Variants in TMTC2 observed in about 807,000 individuals in gnomAD.
The protein encoded by TMTC2 is protein O-mannosyl-transferase TMTC2.
TMTC2 carries 43 observed loss-of-function variants against 82.4 expected under a neutral mutation model. That is an observed-to-expected ratio of 0.52 (90% CI 0.41 to 0.67). TMTC2 has a LOEUF of 0.67. TMTC2 is among the 30% of genes least tolerant of loss of function. The pLI is 0.00. For synonymous variants in TMTC2, 408 were observed against 381.9 expected (o/e 1.07, Z -0.80); for missense variants, 919 against 1,012.4 (o/e 0.91, Z 1.25).
chr12:82,994,168 A>G (rs1355293843), intron 8 of TMTC2, among the ~76,000 whole-genome samples: 8 of 151,918 alleles, frequency 5.3e-5, no homozygotes, highest in Non-Finnish European at 1.0e-4. Flanking sequence ...TATTTTTTAT[A>G]TTTTTGAGAC....
Position 82,875,917 on chromosome 12 carries a change from A to AAAAG in TMTC2, c.654+18345_654+18348dup. On this transcript the variant is annotated intron_variant, in intron 2 of 11. Transcript: ENST00000321196. ...TCACGCTTAAAAAAAAAAAAAAAAA[A>AAAAG]AAAGAAAGAAAACTGAGCAGTAAAT... Among the ~76,000 whole-genome samples, 3 of 151,534 alleles carry AAAAG rather than the reference A, an allele frequency of 2.0e-5. 1 individual carries two copies. The highest frequency in any genetic ancestry group is 7.3e-5 in the African/African-American group (3 of 41,342).
intron 1 of TMTC2, chr12:82,690,470 A>G: frequency 1.1e-6 from 1 of 885,210 alleles, no homozygotes; most frequent in Non-Finnish European, 1.4e-6. Flanking sequence ...GTGATCGTTT[A>G]CTTTATAAAC....
intron 11 of TMTC2, among the ~76,000 whole-genome samples, chr12:83,079,385 G>A (rs552193484): frequency 6.6e-6 from 1 of 152,204 alleles, no homozygotes; most frequent in South Asian, 2.1e-4. Context: ...TTTAGTTTTT[G>A]TGAGACAAAT....
chr12:82,797,624 T>C (rs2137031214), intron 1 of TMTC2, among the ~76,000 whole-genome samples: 1 of 152,268 alleles, frequency 6.6e-6, no homozygotes, highest in South Asian at 2.1e-4. Context: ...ATCTCTATTT[T>C]CTGAATTCTG....
chr12:82,718,093 C>T (rs1322427695), intron 1 of TMTC2, among the ~76,000 whole-genome samples: 1 of 152,086 alleles, frequency 6.6e-6, no homozygotes, highest in Non-Finnish European at 1.5e-5. Context: ...TTATTTATAT[C>T]CTACTGCTCA....
intron 1 of TMTC2, among the ~76,000 whole-genome samples, chr12:82,842,993 G>C (rs1376724671): frequency 6.6e-6 from 1 of 152,138 alleles, no homozygotes; most frequent in Non-Finnish European, 1.5e-5. Context: ...GGCAGGACAT[G>C]GCACAGTGTG....
rs183830181 is a variant in TMTC2, at chr12:82,948,074, A to G, written c.1599-16950A>G. On this transcript the variant is annotated intron_variant, in intron 4 of 11. Transcript: ENST00000321196. Reference sequence around the variant, plus strand: ...TAAATCAACAAATGCAACTTTAGAAAGATTGTTACAGGCCAAGCTCAGTGG... The same window carrying G: ...TAAATCAACAAATGCAACTTTAGAAGGATTGTTACAGGCCAAGCTCAGTGG... Among the ~76,000 whole-genome samples, 151 of 152,342 alleles carry G rather than the reference A, an allele frequency of 9.9e-4. 2 individuals are homozygous for G. Among genetic ancestry groups the G allele is most frequent in the Admixed American group, 8.9e-3 (136 of 15,304 alleles).
chr12:83,047,712 A>C (rs1396826411), intron 9 of TMTC2, among the ~76,000 whole-genome samples: 3 of 152,190 alleles, frequency 2.0e-5, no homozygotes, highest in Non-Finnish European at 2.9e-5. Context: ...TTCTGTCACC[A>C]TTTACCCTAC....
chr12:82,844,759 A>AT (rs1870542479), intron 1 of TMTC2, among the ~76,000 whole-genome samples: 1 of 150,846 alleles, frequency 6.6e-6, no homozygotes, highest in Admixed American at 6.6e-5. Context: ...CCGAGATCGC[A>AT]TCACTGCACT....
At chr12:82,822,372 A>G (rs546293949) in intron 1 of TMTC2, among the ~76,000 whole-genome samples, 1 of 152,326 alleles carries the variant, frequency 6.6e-6, no homozygotes, top group African/African-American at 2.4e-5. Flanking sequence ...GGATGTTCAT[A>G]GTGGGAAGCT....
At chr12:83,009,329 C>A (rs1880348551) in intron 8 of TMTC2, among the ~76,000 whole-genome samples, 2 of 151,974 alleles carry the variant, frequency 1.3e-5, no homozygotes, top group Non-Finnish European at 2.9e-5. Flanking sequence ...GGTTGAGTAC[C>A]CCCTAAGACT....
chr12:83,095,217 GGT>G (rs895626086), intron 11 of TMTC2, among the ~76,000 whole-genome samples: 16 of 143,848 alleles, frequency 1.1e-4, no homozygotes, highest in African/African-American at 4.4e-4. Context: ...AAAATTTCAT[GGT>G]TTTTTTTTTT....
At position 82,934,697 on chromosome 12, in the gene TMTC2, A is replaced by G. The variant is rs555157955; in HGVS notation, c.1598+4152A>G. 1.2e-4 allele frequency among the ~76,000 whole-genome samples: 18 copies of G among 152,264 alleles called. No individual in the cohort carries two copies. The South Asian group carries it at 3.7e-3, about 32-fold the overall frequency. ...ACTGCTGCAATAAACGTATTTGTGC[A>G]TGTGTCTTTATAGTAGAATGATTTA... On this transcript the variant is annotated intron_variant, in intron 4 of 11. Coordinates refer to ENST00000321196, the MANE Select transcript of TMTC2 (RefSeq NM_152588.3).
At chr12:82,920,124 C>T (rs1406183968) in intron 3 of TMTC2, among the ~76,000 whole-genome samples, 1 of 151,356 alleles carries the variant, frequency 6.6e-6, no homozygotes, top group Non-Finnish European at 1.5e-5. Flanking sequence ...GCAGTGTATG[C>T]CAAATTATGA....
chr12:82,993,953 C>T (rs1879507073), intron 8 of TMTC2, among the ~76,000 whole-genome samples: 1 of 151,968 alleles, frequency 6.6e-6, no homozygotes, highest in Admixed American at 6.5e-5. Flanking sequence ...CTGCTTTAGG[C>T]TGAATGCTTG....
At chr12:82,968,163 T>C (rs1176249868) in intron 7 of TMTC2, among the ~76,000 whole-genome samples, 2 of 152,144 alleles carry the variant, frequency 1.3e-5, no homozygotes, top group Admixed American at 1.3e-4. Flanking sequence ...TCACCCTCAA[T>C]TTGCCTGTGG....
chr12:82,801,661 A>C (rs1242079250), intron 1 of TMTC2, among the ~76,000 whole-genome samples: 1 of 152,046 alleles, frequency 6.6e-6, no homozygotes, highest in Non-Finnish European at 1.5e-5. Flanking sequence ...AGATTGGTGC[A>C]CCTACAAACC....
intron 1 of TMTC2, among the ~76,000 whole-genome samples, chr12:82,841,803 C>T (rs1050845910): frequency 6.6e-6 from 1 of 152,130 alleles, no homozygotes; most frequent in Non-Finnish European, 1.5e-5. Flanking sequence ...TATAGGTTAG[C>T]GTTTGGCTCT....
At chr12:83,068,347 G>C (rs1488108753) in intron 11 of TMTC2, among the ~76,000 whole-genome samples, 2 of 151,742 alleles carry the variant, frequency 1.3e-5, no homozygotes, top group Non-Finnish European at 2.9e-5. Flanking sequence ...ACCCTAATTA[G>C]AACAAAAAAA....
Sources: gnomAD v4.1 joint callset for allele counts (sites outside exome capture counted in the v4.1 genomes callset) on GRCh38, gnomAD v4.1.1 for gene constraint, MANE v1.5 for transcripts, NCBI Gene and HGNC (gene_info 2026-07-23, HGNC 2026-07-21) for gene names.